Variants in GABBR2 observed in about 807,000 individuals in gnomAD.
GABBR2 encodes the protein G-protein coupled receptor 51.
GABBR2 carries 23 observed loss-of-function variants against 105.6 expected under a neutral mutation model. That is an observed-to-expected ratio of 0.22 (90% CI 0.16 to 0.31). The LOEUF (loss-of-function observed/expected upper bound fraction) is 0.31. Ranked by LOEUF, GABBR2 falls within the 10% of genes least tolerant of loss-of-function variation. The probability of loss-of-function intolerance (pLI) is 1.00; values close to 1 mark genes in which losing one functional copy is unlikely to be tolerated. For missense variants in GABBR2, 734 were observed against 1,245.5 expected (o/e 0.59, Z 6.18); for synonymous variants, 478 against 499.7 (o/e 0.96, Z 0.58).
At chr9:98,474,548 C>T (rs1364172805) in intron 5 of GABBR2, among the ~76,000 whole-genome samples, 1 of 152,136 alleles carries the variant, frequency 6.6e-6, no homozygotes. Flanking sequence ...ATGGACTGCC[C>T]GCATTCTAAA....
At chr9:98,643,097 A>T (rs573716249) in intron 1 of GABBR2, among the ~76,000 whole-genome samples, 1 of 152,346 alleles carries the variant, frequency 6.6e-6, no homozygotes, top group South Asian at 2.1e-4. Context: ...AGCAAAAGGG[A>T]CTGGAACCAA....
chr9:98,621,323 AGTTCTT>A (rs1829668038), intron 1 of GABBR2, among the ~76,000 whole-genome samples: 1 of 152,158 alleles, frequency 6.6e-6, no homozygotes, highest in Admixed American at 6.5e-5. Context: ...TCCAGTTCCA[AGTTCTT>A]GTTCTGTATC....
chr9:98,365,832 AG>A (rs67709555), intron 12 of GABBR2, among the ~76,000 whole-genome samples: 70,024 of 151,424 alleles, frequency 0.46, 18,666 homozygotes, highest in African/African-American at 0.74. Context: ...AAGAAAAAAA[AG>A]AAGCACTGAT....
chr9:98,683,253 C>A (rs1830573351), intron 1 of GABBR2, among the ~76,000 whole-genome samples: 1 of 152,228 alleles, frequency 6.6e-6, no homozygotes. Context: ...GCCGCCATGT[C>A]CAGCTAATTT....
chr9:98,364,617 T>TTTTTTTTA (rs1554695427), intron 12 of GABBR2, among the ~76,000 whole-genome samples: 13 of 151,724 alleles, frequency 8.6e-5, no homozygotes, highest in Middle Eastern at 6.8e-3. Flanking sequence ...TTTTTTTTTT[T>TTTTTTTTA]ATGGAATCTT....
intron 7 of GABBR2, among the ~76,000 whole-genome samples, chr9:98,408,575 C>T (rs752601180): frequency 1.3e-5 from 2 of 152,174 alleles, no homozygotes; most frequent in African/African-American, 2.4e-5. Flanking sequence ...CAATAGGTGT[C>T]CCCCTTATTA....
At chr9:98,640,685 C>A (rs1165247396) in intron 1 of GABBR2, among the ~76,000 whole-genome samples, 1 of 152,060 alleles carries the variant, frequency 6.6e-6, no homozygotes, top group Non-Finnish European at 1.5e-5. Context: ...AGAATTCTAA[C>A]CCCCTGGAGA....
At chr9:98,492,349 T>TAAAAAAAAAAAAAGAAAAAAAAA (rs1827192873) in intron 4 of GABBR2, among the ~76,000 whole-genome samples, 1 of 29,218 alleles carries the variant, frequency 3.4e-5, no homozygotes, top group African/African-American at 7.4e-5. Flanking sequence ...TGTTTCCTAG[T>TAAAAAAAAAAAAAGAAAAAAAAA]AAAAAAAAAA....
chr9:98,340,893 C>A (rs1487937345), intron 13 of GABBR2, among the ~76,000 whole-genome samples: 1 of 152,240 alleles, frequency 6.6e-6, no homozygotes, highest in East Asian at 1.9e-4. Flanking sequence ...ATGGCTTTAA[C>A]AAGACAAATA....
intron 18 of GABBR2, among the ~76,000 whole-genome samples, chr9:98,291,394 G>T (rs749932223): frequency 6.6e-6 from 1 of 152,138 alleles, no homozygotes; most frequent in Non-Finnish European, 1.5e-5. Context: ...CAGATAGTTC[G>T]CATTCTCTAC....
chr9:98,345,893 C>T (rs1206632112), intron 13 of GABBR2, among the ~76,000 whole-genome samples: 2 of 152,210 alleles, frequency 1.3e-5, no homozygotes, highest in Non-Finnish European at 2.9e-5. Context: ...TTTTTGGTTT[C>T]CCAGTGTACA....
At chr9:98,389,062 C>G (rs576503257) in intron 9 of GABBR2, 58 bp from the exon 10 acceptor site, 1 of 1,494,818 alleles carries the variant, frequency 6.7e-7, no homozygotes, top group Admixed American at 1.8e-5. Context: ...CCCGAGAACA[C>G]CTTTGCCTTA....
chr9:98,609,848 C>T (rs1268379564), intron 1 of GABBR2, among the ~76,000 whole-genome samples: 1 of 152,214 alleles, frequency 6.6e-6, no homozygotes, highest in African/African-American at 2.4e-5. Flanking sequence ...AACCCAGGCT[C>T]AGGGCCAGGA....
intron 2 of GABBR2, among the ~76,000 whole-genome samples, chr9:98,572,398 G>A (rs112856423): frequency 6.6e-6 from 1 of 152,234 alleles, no homozygotes; most frequent in Non-Finnish European, 1.5e-5. Flanking sequence ...ATTCCTGGCT[G>A]TCTCTGTCCA....
At chr9:98,708,390 CG>C in intron 1 of GABBR2, 26 bp downstream of exon 1, 1 of 1,357,680 alleles carries the variant, frequency 7.4e-7, no homozygotes, top group Non-Finnish European at 9.6e-7. Flanking sequence ...CCCGAAGCCC[CG>C]ACGGCAGGGG....
At chr9:98,606,890 G>C (rs1287731498) in intron 1 of GABBR2, 38 of 594,024 alleles carry the variant, frequency 6.4e-5, no homozygotes, top group Non-Finnish European at 1.1e-4. Flanking sequence ...TGGGAGGTCT[G>C]ATTGATCCAC....
chr9:98,597,988 A>C (rs575799009), intron 1 of GABBR2, among the ~76,000 whole-genome samples: 1 of 151,872 alleles, frequency 6.6e-6, no homozygotes, highest in East Asian at 1.9e-4. Context: ...CCTCCGGCTA[A>C]TTTTTTGTAT....
chr9:98,413,578 T>C (rs762141699), intron 7 of GABBR2, among the ~76,000 whole-genome samples: 65 of 152,216 alleles, frequency 4.3e-4, no homozygotes, highest in Non-Finnish European at 8.1e-4. Context: ...GATGCACTCA[T>C]AGAGCCTAGA....
chr9:98,352,490 G>A (rs1180347716), intron 13 of GABBR2, among the ~76,000 whole-genome samples: 6 of 152,166 alleles, frequency 3.9e-5, no homozygotes, highest in Admixed American at 3.3e-4. Flanking sequence ...CCAGTCATGG[G>A]CAGGGTGGAC....
Sources: gnomAD v4.1 joint callset for allele counts (sites outside exome capture counted in the v4.1 genomes callset) on GRCh38, gnomAD v4.1.1 for gene constraint, MANE v1.5 for transcripts, NCBI Gene and HGNC (gene_info 2026-07-23, HGNC 2026-07-21) for gene names.